ENHO: variants seen among roughly 807,000 people sequenced by gnomAD.
The protein encoded by ENHO is adropin.
In ENHO, 5 loss-of-function variants were observed where a neutral mutation model predicts 4.1. The ratio of observed to expected loss-of-function variants is 1.23; its 90% CI spans 0.64 to 2.58. The LOEUF (loss-of-function observed/expected upper bound fraction) is 2.58. ENHO is among the 30% of genes most tolerant of loss of function. The pLI is 0.01. For missense variants in ENHO, 86 were observed against 97.7 expected (o/e 0.88, Z 0.51); for synonymous variants, 45 against 42.9 (o/e 1.05, Z -0.19).
rs578062288 is a variant in ENHO at position 34,521,560 on chromosome 9, C to T, written c.136G>A (p.Glu46Lys). 4.3e-6 allele frequency: 7 copies of T among 1,614,012 alleles called. No individual in the cohort carries two copies. The South Asian group carries it at 6.6e-5, about 15-fold the overall frequency. The change falls in exon 2 of 2, where the codon GAA (glutamate) becomes AAA (lysine). Residue 46 changes from glutamate to lysine, a missense_variant. Physicochemically the swap from Glu to Lys is moderately conservative, Grantham distance 56. Coordinates refer to ENST00000399775, the MANE Select transcript of ENHO (RefSeq NM_198573.3). ...CCAGGGCTGGAGTTGGGACTGGATT[C>T]AGAGAGAGAGTCAACGTCGGCAGAG... ...SRSADVDSLS[E>K]SSPNSSPGPC... is the part of the protein sequence containing the mutation.
rs1224244508 is a variant in ENHO, at chr9:34,521,201, T to TG, written c.*263dup. 1.7e-6 allele frequency: 1 copy of TG among 592,988 alleles called. No homozygotes were observed. The highest frequency in any genetic ancestry group is 3.0e-6 in the Non-Finnish European group (1 of 329,440). 36.7% of individuals were successfully genotyped at this position (592,988 alleles called of 1,614,324 possible). On this transcript the variant is annotated 3_prime_UTR_variant, in exon 2 of 2. Transcript: ENST00000399775. ...CTAGGGAAAGAGTGGACCCGGCCCC[T>TG]GACCCTTGGCCCTTGGGATGGAGCA...
Position 34,521,420 on chromosome 9 carries a change from GTGAGGTGGAC to G in ENHO, c.*35_*44del. On this transcript the variant is annotated 3_prime_UTR_variant, in exon 2 of 2. Transcript: ENST00000399775. Reference sequence around the variant, plus strand: ...CTGGGATCCTAATTCCAGGCTCTAGGTGAGGTGGACTTAGGTCCTGGGCTCCAGGCTAGGC... The same window carrying G: ...CTGGGATCCTAATTCCAGGCTCTAGGTTAGGTCCTGGGCTCCAGGCTAGGC... 6.5e-7 allele frequency: 1 copy of G among 1,531,378 alleles called. No homozygotes were observed. Among genetic ancestry groups the G allele is most frequent in the Non-Finnish European group, 9.0e-7 (1 of 1,111,732 alleles). 94.9% of individuals were successfully genotyped at this position (1,531,378 alleles called of 1,614,324 possible).
intron 1 of ENHO, 127 bp from the exon 2 acceptor site, chr9:34,521,983 T>A (rs1825288268): frequency 4.2e-6 from 2 of 477,688 alleles, no homozygotes; most frequent in Non-Finnish European, 7.6e-6. Context: ...AGACCTTGGG[T>A]CCCAACAGGC....
chr9:34,522,761 G>A lies in ENHO; in HGVS notation c.-162+16C>T, dbSNP rs1414278793. ...TGTTCTTGGCCCCCGTGCCCGTGGC[G>A]GGAGGCCCTTCTTACCTGAGTTGAG... is the stretch of plus-strand genomic sequence containing the variant. On this transcript the variant is annotated intron_variant, in intron 1 of 1. Coordinates refer to ENST00000399775, the MANE Select transcript of ENHO (RefSeq NM_198573.3). The surrounding 1 kb of genome is among the most constrained non-coding windows in gnomAD (Gnocchi z 4.2). 6.5e-6 allele frequency: 1 copy of A among 152,702 alleles called. No homozygotes were observed. The highest frequency in any genetic ancestry group is 1.9e-4 in the East Asian group (1 of 5,184). 9.5% of individuals were successfully genotyped at this position (152,702 alleles called of 1,614,324 possible). A position where few individuals can be genotyped will look rare whatever the true frequency, so the allele number is the denominator to read the frequency against.
At position 34,521,781 on chromosome 9, in the gene ENHO, G is replaced by T; in HGVS notation, c.-86C>A. The T allele has an allele frequency of 1.6e-6, 2 of 1,215,956 alleles. No homozygotes were observed. The highest frequency in any genetic ancestry group is 2.4e-6 in the Non-Finnish European group (2 of 850,240). The allele number at this position is 1,215,956 out of a possible 1,614,324, so 75.3% of individuals were successfully genotyped here. On this transcript the variant is annotated 5_prime_UTR_variant, in exon 2 of 2. Coordinates refer to ENST00000399775, the MANE Select transcript of ENHO (RefSeq NM_198573.3). ...CCGAGGCAGGACTCTGGTATGGCCG[G>T]CCTTCAGAGGAGGCTGTGCTGTCTG...
Position 34,522,250 on chromosome 9 carries a change from C to T in ENHO, c.-161-394G>A, listed in dbSNP as rs1260013518. On this transcript the variant is annotated intron_variant, in intron 1 of 1. Coordinates refer to ENST00000399775, the MANE Select transcript of ENHO (RefSeq NM_198573.3). This position sits in a 1 kb window ranked among gnomAD's most constrained non-coding sequence, Gnocchi z 4.2. Reference sequence around the variant, plus strand: ...CTGGTGTGGCCTGGGCGCCTCCTCTCTCCCAGGACTCCAGCCAGCCCGACC... The same window carrying T: ...CTGGTGTGGCCTGGGCGCCTCCTCTTTCCCAGGACTCCAGCCAGCCCGACC... 6.6e-6 allele frequency: 1 copy of T among 152,650 alleles called. No homozygotes were observed. The highest frequency in any genetic ancestry group is 1.5e-5 in the Non-Finnish European group (1 of 68,422). 9.5% of individuals were successfully genotyped at this position (152,650 alleles called of 1,614,324 possible).
chr9:34,521,890 G>A, intron 1 of ENHO, 34 bp from the exon 2 acceptor site: 2 of 605,754 alleles, frequency 3.3e-6, no homozygotes, highest in Non-Finnish European at 6.0e-6. Flanking sequence ...AGAGGGTGGT[G>A]AGGAGGAAGG....
Position 34,521,425 on chromosome 9 carries a change from G to C in ENHO, c.*40C>G. The C allele has an allele frequency of 1.3e-6, 2 of 1,551,848 alleles. No homozygotes were observed. The highest frequency in any genetic ancestry group is 1.8e-6 in the Non-Finnish European group (2 of 1,129,804). On this transcript the variant is annotated 3_prime_UTR_variant, in exon 2 of 2. Coordinates refer to ENST00000399775, the MANE Select transcript of ENHO (RefSeq NM_198573.3). Reference sequence around the variant, plus strand: ...ATCCTAATTCCAGGCTCTAGGTGAGGTGGACTTAGGTCCTGGGCTCCAGGC... The same window carrying C: ...ATCCTAATTCCAGGCTCTAGGTGAGCTGGACTTAGGTCCTGGGCTCCAGGC...
intron 1 of ENHO, 68 bp from the exon 2 acceptor site, chr9:34,521,924 G>T: frequency 1.7e-6 from 1 of 572,348 alleles, no homozygotes; most frequent in Admixed American, 3.2e-5. Flanking sequence ...TAGGAGGAGA[G>T]AGGTAGGGAA....
In ENHO at chr9:34,521,470, G is replaced by A. The variant is rs1222238404; in HGVS notation, c.226C>T (p.Pro76Ser). ...PSHEGSYLLQ[P>S] is the part of the protein sequence containing the mutation. ...CCAGGCTAGGCCAGGGGCCTTCAGG[G>A]CTGCAGCAGGTAGCTGCCTTCATGG... Residue 76 changes from proline (P) to serine (S), a missense_variant, in exon 2 of 2, where the codon CCC becomes TCC. By Grantham distance (74) the Pro-to-Ser change is moderately conservative (BLOSUM62 -1). Transcript: ENST00000399775. 3 of 1,611,850 alleles carry A rather than the reference G, an allele frequency of 1.9e-6. No homozygotes were observed. The South Asian group carries it at 3.3e-5, about 18-fold the overall frequency.
Position 34,521,842 on chromosome 9 carries a change from C to T in ENHO, c.-147G>A, listed in dbSNP as rs370967829. ...GATTCCTGGGCAGTGGAGATGTCTACCTGCAGTCCTGAGCCTGTTGGGGGT... is the reference window on the plus strand; with the variant it reads ...GATTCCTGGGCAGTGGAGATGTCTATCTGCAGTCCTGAGCCTGTTGGGGGT... On this transcript the variant is annotated 5_prime_UTR_variant, in exon 2 of 2. Coordinates refer to ENST00000399775, the MANE Select transcript of ENHO (RefSeq NM_198573.3). The T allele has an allele frequency of 1.3e-5, 9 of 682,242 alleles. 1 individual carries two copies. Among genetic ancestry groups the T allele is most frequent in the South Asian group, 1.8e-5 (1 of 54,118 alleles). 42.3% of individuals were successfully genotyped at this position (682,242 alleles called of 1,614,324 possible). A position where few individuals can be genotyped will look rare whatever the true frequency, so the allele number is the denominator to read the frequency against.
chr9:34,521,407 T>C lies in ENHO; in HGVS notation c.*58A>G, dbSNP rs2132090470. ...GGCTGGCTGAACTCTGGGATCCTAA[T>C]TCCAGGCTCTAGGTGAGGTGGACTT... On this transcript the variant is annotated 3_prime_UTR_variant, in exon 2 of 2. Transcript: ENST00000399775. 3 of 1,486,302 alleles carry C rather than the reference T, an allele frequency of 2.0e-6. No individual in the cohort carries two copies. Among genetic ancestry groups the C allele is most frequent in the Middle Eastern group, 1.7e-4 (1 of 5,816 alleles). The allele number at this position is 1,486,302 out of a possible 1,614,324, so 92.1% of individuals were successfully genotyped here. A position where few individuals can be genotyped will look rare whatever the true frequency, so the allele number is the denominator to read the frequency against.
rs1825284051 is a variant in ENHO, at chr9:34,521,686, C to CT, written c.9dup (p.Ala4SerfsTer39). ...GCGATGAGGGCCCCCTGGGAGATGGCTGCCCCCATGACAGGCAGCACCCTC... is the reference window on the plus strand; with the variant it reads ...GCGATGAGGGCCCCCTGGGAGATGGCTTGCCCCCATGACAGGCAGCACCCTC... On this transcript the variant is annotated frameshift_variant, in exon 2 of 2. Coordinates refer to ENST00000399775, the MANE Select transcript of ENHO (RefSeq NM_198573.3). LOFTEE classifies it high-confidence loss of function. 1 of 1,613,354 alleles carries CT rather than the reference C, an allele frequency of 6.2e-7. No individual in the cohort carries two copies. Among genetic ancestry groups the CT allele is most frequent in the Non-Finnish European group, 8.5e-7 (1 of 1,179,644 alleles).
At position 34,522,573 on chromosome 9, in the gene ENHO, GTCTC is replaced by G. The variant is rs149235285; in HGVS notation, c.-162+200_-162+203del. On this transcript the variant is annotated intron_variant, in intron 1 of 1. Coordinates refer to ENST00000399775, the MANE Select transcript of ENHO (RefSeq NM_198573.3). This position sits in a 1 kb window ranked among gnomAD's most constrained non-coding sequence, Gnocchi z 4.2. ...TGTGTATCTCTGCATCAGTCTCTGTGTCTCTCTCTCTCTTCCAGGCTGTATCCCC... is the reference window on the plus strand; with the variant it reads ...TGTGTATCTCTGCATCAGTCTCTGTGTCTCTCTCTTCCAGGCTGTATCCCC... Among the ~76,000 whole-genome samples the G allele has an allele frequency of 5.3e-5, 8 of 151,942 alleles. No individual in the cohort carries two copies. Among genetic ancestry groups the G allele is most frequent in the Admixed American group, 2.0e-4 (3 of 15,278 alleles).
rs1825299078 is a variant in ENHO, at chr9:34,522,814, G to C, written c.-199C>G. 6.6e-6 allele frequency: 1 copy of C among 152,620 alleles called. No individual in the cohort carries two copies. The highest frequency in any genetic ancestry group is 2.4e-5 in the African/African-American group (1 of 41,450). 9.5% of individuals were successfully genotyped at this position (152,620 alleles called of 1,614,324 possible). ...TGGTGCGCGCCCGCGGGAGGGTCCG[G>C]GGCAGCGGGATGCTCGGCGCCGACT... On this transcript the variant is annotated 5_prime_UTR_variant, in exon 1 of 2. Transcript: ENST00000399775. This position sits in a 1 kb window ranked among gnomAD's most constrained non-coding sequence, Gnocchi z 4.2.
chr9:34,521,886 TGGTGAGGAGGAAGGGTGG>T (rs1343569095), intron 1 of ENHO, 30 bp from the exon 2 acceptor site: 2 of 602,690 alleles, frequency 3.3e-6, no homozygotes, highest in Non-Finnish European at 3.0e-6. Context: ...AAGGAGAGGG[TGGTGAGGAGGAAGGGTGG>T]GGTGAGGCCT....
Position 34,522,308 on chromosome 9 carries a change from G to A in ENHO, c.-161-452C>T, listed in dbSNP as rs1564046957. On this transcript the variant is annotated intron_variant, in intron 1 of 1. Coordinates refer to ENST00000399775, the MANE Select transcript of ENHO (RefSeq NM_198573.3). The surrounding 1 kb of genome is among the most constrained non-coding windows in gnomAD (Gnocchi z 4.2). The stretch of plus-strand genomic sequence containing the variant: ...CTCCAGAGGCGCCAGCTTGCACAGA[G>A]GGAACTTTGTGGAGGCCCTGGCAGG... The A allele has an allele frequency of 6.6e-6, 1 of 152,652 alleles. No homozygotes were observed. Among genetic ancestry groups the A allele is most frequent in the Non-Finnish European group, 1.5e-5 (1 of 68,404 alleles). The allele number at this position is 152,652 out of a possible 1,614,324, so 9.5% of individuals were successfully genotyped here. A position where few individuals can be genotyped will look rare whatever the true frequency, so the allele number is the denominator to read the frequency against.
rs1825292217 is a variant in ENHO at position 34,522,344 on chromosome 9, C to T, written c.-162+433G>A. 6.5e-6 allele frequency: 1 copy of T among 152,790 alleles called. No individual in the cohort carries two copies. Among genetic ancestry groups the T allele is most frequent in the Non-Finnish European group, 1.5e-5 (1 of 68,458 alleles). The allele number at this position is 152,790 out of a possible 1,614,324, so 9.5% of individuals were successfully genotyped here. ...GGAGGCCCTGGCAGGCATGTGCAGG[C>T]TCTGTGCGTCCAGGGCTGTGTGCCT... On this transcript the variant is annotated intron_variant, in intron 1 of 1. Coordinates refer to ENST00000399775, the MANE Select transcript of ENHO (RefSeq NM_198573.3). The surrounding 1 kb of genome is among the most constrained non-coding windows in gnomAD (Gnocchi z 4.2).
chr9:34,521,580 G>A lies in ENHO; in HGVS notation c.116C>T (p.Ala39Val). The stretch of plus-strand genomic sequence containing the variant: ...GGATTCAGAGAGAGAGTCAACGTCG[G>A]CAGAGCGAGAATGGCAGGCCCAGCA... ...ILCWACHSRS[A>V]DVDSLSESSP... Residue 39 changes from alanine to valine, a missense_variant, in exon 2 of 2, where the codon GCC (alanine) becomes GTC (valine). Ala to Val is a moderately conservative substitution (Grantham distance 64). Coordinates refer to ENST00000399775, the MANE Select transcript of ENHO (RefSeq NM_198573.3). The A allele has an allele frequency of 6.2e-7, 1 of 1,614,054 alleles. No individual in the cohort carries two copies. Among genetic ancestry groups the A allele is most frequent in the Non-Finnish European group, 8.5e-7 (1 of 1,180,022 alleles).
Sources: allele counts gnomAD v4.1 joint callset (sites outside exome capture counted in the v4.1 genomes callset), GRCh38; gene constraint gnomAD v4.1.1; non-coding constraint Gnocchi (gnomAD v3.1); transcripts MANE v1.5; gene names NCBI Gene and HGNC (gene_info 2026-07-23, HGNC 2026-07-21).